The following CYP4V2 variants were observed in gnomAD, a reference collection of about 807,000 sequenced individuals.
CYP4V2 encodes the protein cytochrome P450 family 4 subfamily V member 2.
Under a neutral mutation model 60.8 loss-of-function variants are expected in CYP4V2, and 55 were observed. The ratio of observed to expected loss-of-function variants is 0.90; its 90% CI spans 0.73 to 1.13. The LOEUF (loss-of-function observed/expected upper bound fraction) is 1.13, where lower values mean the gene tolerates loss of function less well. Ranked by LOEUF, CYP4V2 falls within the 50% of genes most tolerant of loss-of-function variation. CYP4V2 has a pLI of 0.00. For missense variants in CYP4V2, 675 were observed against 662.9 expected, an observed-to-expected ratio of 1.02 and a Z score of -0.20; for synonymous variants, 239 against 236.8, an observed-to-expected ratio of 1.01 and a Z score of -0.08.
chr4:186,202,984 AT>A (rs566096696), intron 7 of CYP4V2: 1 of 152,124 alleles, frequency 6.6e-6, no homozygotes, highest in South Asian at 2.1e-4. Flanking sequence ...ATTCATGTAC[AT>A]TTATGCAATC....
At position 186,191,802 on chromosome 4, in the gene CYP4V2, C is replaced by G. The variant is rs894067959; in HGVS notation, c.-22C>G. On this transcript the variant is annotated 5_prime_UTR_variant, in exon 1 of 11. Coordinates refer to ENST00000378802, the MANE Select transcript of CYP4V2 (RefSeq NM_207352.4). Reference sequence around the variant, plus strand: ...GGGCCCGCACTTTCCCGGAGTGCACCCCGCGGCCGCCAGCCGGGGCGATGG... The same window carrying G: ...GGGCCCGCACTTTCCCGGAGTGCACGCCGCGGCCGCCAGCCGGGGCGATGG... 24 of 1,521,006 alleles carry G rather than the reference C, an allele frequency of 1.6e-5. No homozygotes were observed. The highest frequency in any genetic ancestry group is 4.4e-4 in the Middle Eastern group (2 of 4,496). The allele number at this position is 1,521,006 out of a possible 1,614,324, so 94.2% of individuals were successfully genotyped here. A position where few individuals can be genotyped will look rare whatever the true frequency, so the allele number is the denominator to read the frequency against.
chr4:186,207,398 C>G (rs1218570142), intron 8 of CYP4V2, among the ~76,000 whole-genome samples: 1 of 114,296 alleles, frequency 8.7e-6, no homozygotes, highest in Non-Finnish European at 1.7e-5. Context: ...GGCAGCAGAG[C>G]AAGACTCTGT....
intron 10 of CYP4V2, 48 bp downstream of exon 10, chr4:186,209,320 TG>T (rs772366819): frequency 1.2e-6 from 2 of 1,610,878 alleles, no homozygotes; most frequent in Middle Eastern, 1.7e-4. Flanking sequence ...CACTTGATGG[TG>T]GGTTTCTCAC....
chr4:186,205,370 A>AC, intron 8 of CYP4V2, 68 bp downstream of exon 8: 18 of 1,426,696 alleles, frequency 1.3e-5, no homozygotes, highest in East Asian at 2.3e-5. Flanking sequence ...ACTGTGTTGT[A>AC]AACACAGTGT....
intron 6 of CYP4V2, 77 bp downstream of exon 6, chr4:186,199,160 A>G: frequency 6.8e-7 from 1 of 1,473,156 alleles, no homozygotes; most frequent in Admixed American, 1.8e-5. Flanking sequence ...TTAACTGTAC[A>G]GTTTGGTGGT....
rs1736168597 is a variant in CYP4V2, at chr4:186,197,021, C to T, written c.495C>T (p.Ile165=). 2.5e-6 allele frequency: 4 copies of T among 1,613,676 alleles called. No homozygotes were observed. The highest frequency in any genetic ancestry group is 1.1e-5 in the South Asian group (1 of 91,010). The change falls in exon 4 of 11, where the codon ATC becomes ATT. Residue 165 remains isoleucine (I), a synonymous_variant. Transcript: ENST00000378802. ...CCATTCTGGAAGATTTCTTAGATATCATGAATGAACAAGCAAATATATTGG... is the reference window on the plus strand; with the variant it reads ...CCATTCTGGAAGATTTCTTAGATATTATGAATGAACAAGCAAATATATTGG... The part of the protein sequence containing the change: ...HFTILEDFLD[I]MNEQANILVK...
chr4:186,212,544 T>G lies in CYP4V2; in HGVS notation c.*1903T>G, dbSNP rs768274009. On this transcript the variant is annotated 3_prime_UTR_variant, in exon 11 of 11. Transcript: ENST00000378802. ...TTATTCACTCTTCATAGAATCACAA[T>G]TACCTTTATATATCATATGTTATTG... The G allele has an allele frequency of 3.3e-5, 5 of 152,236 alleles. No individual in the cohort carries two copies. The highest frequency in any genetic ancestry group is 7.2e-5 in the African/African-American group (3 of 41,462). The allele number at this position is 152,236 out of a possible 1,614,324, so 9.4% of individuals were successfully genotyped here. A position where few individuals can be genotyped will look rare whatever the true frequency, so the allele number is the denominator to read the frequency against.
At chr4:186,196,795 C>T in intron 3 of CYP4V2, 145 bp from the exon 4 acceptor site, 1 of 716,760 alleles carries the variant, frequency 1.4e-6, no homozygotes, top group Non-Finnish European at 2.3e-6. Context: ...CTGCCAAAAG[C>T]ATTTGAGAAC....
intron 3 of CYP4V2, chr4:186,196,578 A>C (rs762884033): frequency 4.9e-5 from 15 of 303,938 alleles, no homozygotes; most frequent in Non-Finnish European, 8.0e-5. Flanking sequence ...AGAACCATGG[A>C]GTGTGAGGAT....
chr4:186,206,481 C>T (rs2126597080), intron 8 of CYP4V2, among the ~76,000 whole-genome samples: 1 of 152,180 alleles, frequency 6.6e-6, no homozygotes, highest in South Asian at 2.1e-4. Context: ...GTCATATGGC[C>T]CCCAATAGCT....
chr4:186,205,009 CATG>C, intron 7 of CYP4V2, 188 bp from the exon 8 acceptor site: 5 of 652,842 alleles, frequency 7.7e-6, no homozygotes, highest in African/African-American at 7.2e-5. Context: ...CATCTCTAGG[CATG>C]AACCTCCGCT....
In CYP4V2 at chr4:186,196,923, A is replaced by C. The variant is rs769815150; in HGVS notation, c.414-17A>C. 1.5e-5 allele frequency: 24 copies of C among 1,610,390 alleles called. No homozygotes were observed. The African/African-American group carries it at 1.6e-4, about 11-fold the overall frequency. On this transcript the variant is annotated splice_polypyrimidine_tract_variant and intron_variant, in intron 3 of 10. Transcript: ENST00000378802. Reference sequence around the variant, plus strand: ...CTCTGTAGATATATTTTTTGTAACCACATATTTTATTTCTAGTACTGGAAA... The same window carrying C: ...CTCTGTAGATATATTTTTTGTAACCCCATATTTTATTTCTAGTACTGGAAA...
chr4:186,202,339 G>A (rs752120131), intron 7 of CYP4V2: 3 of 152,150 alleles, frequency 2.0e-5, no homozygotes, highest in Admixed American at 6.5e-5. Flanking sequence ...AAGTGTGTGG[G>A]CTCTAAGATC....
At chr4:186,200,141 T>C (rs182009676) in intron 6 of CYP4V2, among the ~76,000 whole-genome samples, 9 of 152,316 alleles carry the variant, frequency 5.9e-5, no homozygotes, top group Admixed American at 2.0e-4. Flanking sequence ...AATAGACAAT[T>C]TTATTCATTG....
intron 2 of CYP4V2, 46 bp downstream of exon 2, chr4:186,194,658 G>A (rs201905182): frequency 5.3e-6 from 8 of 1,511,238 alleles, no homozygotes; most frequent in Non-Finnish European, 6.4e-6. Flanking sequence ...GTATCTGACA[G>A]TGTGAGAATC....
intron 8 of CYP4V2, among the ~76,000 whole-genome samples, chr4:186,206,538 A>G (rs921978537): frequency 6.6e-6 from 1 of 152,212 alleles, no homozygotes; most frequent in South Asian, 2.1e-4. Context: ...AACAAGTGGT[A>G]TCTGATGCAG....
chr4:186,200,575 TAGG>T (rs914398016), intron 6 of CYP4V2, among the ~76,000 whole-genome samples: 1 of 152,120 alleles, frequency 6.6e-6, no homozygotes, highest in Admixed American at 6.5e-5. Flanking sequence ...AAAGCATTGT[TAGG>T]AGGCGTCGCA....
intron 1 of CYP4V2, among the ~76,000 whole-genome samples, chr4:186,194,219 C>T (rs191800654): frequency 1.8e-4 from 27 of 152,212 alleles, no homozygotes; most frequent in Non-Finnish European, 3.2e-4. Flanking sequence ...AAAGAATGCC[C>T]GTTCTGGGAC....
At chr4:186,193,088 C>T (rs1355819893) in intron 1 of CYP4V2, among the ~76,000 whole-genome samples, 4 of 152,272 alleles carry the variant, frequency 2.6e-5, no homozygotes, top group African/African-American at 9.6e-5. Context: ...AACCAAATAT[C>T]ATCATGACTG....
Sources: gnomAD v4.1 joint callset for allele counts (sites outside exome capture counted in the v4.1 genomes callset) on GRCh38, gnomAD v4.1.1 for gene constraint, MANE v1.5 for transcripts, NCBI Gene and HGNC (gene_info 2026-07-23, HGNC 2026-07-21) for gene names.